The following PARD3B variants were observed in gnomAD, a reference collection of about 807,000 sequenced individuals.
PARD3B encodes the protein par-3 family cell polarity regulator beta.
Under a neutral mutation model 130.2 loss-of-function variants are expected in PARD3B, and 103 were observed. The ratio of observed to expected loss-of-function variants is 0.79; its 90% CI spans 0.67 to 0.93. PARD3B has a LOEUF of 0.93. Among genes scored for constraint, PARD3B ranks in the 40% least tolerant of loss-of-function variants. PARD3B has a pLI of 0.00. For missense variants in PARD3B, 1,609 were observed against 1,499.2 expected (o/e 1.07, Z -1.21); for synonymous variants, 583 against 553.2 (o/e 1.05, Z -0.76).
intron 21 of PARD3B, among the ~76,000 whole-genome samples, chr2:205,510,067 G>A (rs1189627850): frequency 6.6e-6 from 1 of 152,162 alleles, no homozygotes; most frequent in African/African-American, 2.4e-5. Flanking sequence ...TTTTAGCACA[G>A]GAGACTCTGA....
At chr2:205,270,833 A>T (rs770241525) in intron 16 of PARD3B, among the ~76,000 whole-genome samples, 26 of 152,098 alleles carry the variant, frequency 1.7e-4, no homozygotes, top group Non-Finnish European at 3.4e-4. Flanking sequence ...TTATCTTACC[A>T]GTAAAAGCTA....
At chr2:204,621,834 A>G (rs1388582101) in intron 1 of PARD3B, among the ~76,000 whole-genome samples, 1 of 152,210 alleles carries the variant, frequency 6.6e-6, no homozygotes, top group Non-Finnish European at 1.5e-5. Flanking sequence ...GTGATAAGGA[A>G]GATCTTGTGG....
chr2:205,513,213 G>T (rs1188905806), intron 21 of PARD3B, among the ~76,000 whole-genome samples: 1 of 151,868 alleles, frequency 6.6e-6, no homozygotes, highest in Non-Finnish European at 1.5e-5. Context: ...TTGAATTGAT[G>T]ATCAGAAAAA....
In PARD3B at chr2:205,113,552, C is replaced by T; in HGVS notation, c.655C>T (p.Pro219Ser). ...AGGCCCATTGGGAATACATGTAGTG[C>T]CCTTCTTTTCATCTCTGAGTGGAAG... ...EGGPLGIHVV[P>S]FFSSLSGRIL... The change falls in exon 6 of 23, where the codon CCC (proline) becomes TCC (serine). Residue 219 changes from proline (P) to serine (S), a missense_variant. Pro to Ser is a moderately conservative substitution (Grantham distance 74). Coordinates refer to ENST00000406610, the MANE Select transcript of PARD3B (RefSeq NM_001302769.2). 6.2e-7 allele frequency: 1 copy of T among 1,612,304 alleles called. No homozygotes were observed. Among genetic ancestry groups the T allele is most frequent in the Non-Finnish European group, 8.5e-7 (1 of 1,178,844 alleles).
At chr2:204,561,743 A>G (rs2031323790) in intron 1 of PARD3B, among the ~76,000 whole-genome samples, 1 of 151,718 alleles carries the variant, frequency 6.6e-6, no homozygotes, top group South Asian at 2.1e-4. Context: ...TTACAGGTGC[A>G]CGCTACCACG....
At chr2:205,238,888 A>ATATATATATATATATATATATGTATGTG (rs1559575145) in intron 15 of PARD3B, among the ~76,000 whole-genome samples, 56 of 69,460 alleles carry the variant, frequency 8.1e-4, no homozygotes, top group African/African-American at 3.8e-3. Flanking sequence ...GTATGTGTGT[A>ATATATATATATATATATATATGTATGTG]TATATATATA....
At position 205,301,011 on chromosome 2, in the gene PARD3B, T is replaced by C. The variant is rs2041977309; in HGVS notation, c.2392+275T>C. Among the ~76,000 whole-genome samples the C allele has an allele frequency of 6.6e-6, 1 of 152,208 alleles. No homozygotes were observed. Among genetic ancestry groups the C allele is most frequent in the East Asian group, 1.9e-4 (1 of 5,198 alleles). Reference sequence around the variant, plus strand: ...GACCAACTGTCATTTACCCTTAGGGTAGGAGCACTAAGTATGCATTTCTTG... The same window carrying C: ...GACCAACTGTCATTTACCCTTAGGGCAGGAGCACTAAGTATGCATTTCTTG... On this transcript the variant is annotated intron_variant, in intron 17 of 22. Transcript: ENST00000406610. This position sits in a 1 kb window ranked among gnomAD's most constrained non-coding sequence, Gnocchi z 5.2.
chr2:205,558,705 GC>G lies in PARD3B; in HGVS notation c.3260+5305del, dbSNP rs1002003891. 6.6e-6 allele frequency among the ~76,000 whole-genome samples: 1 copy of G among 151,990 alleles called. No homozygotes were observed. Among genetic ancestry groups the G allele is most frequent in the Non-Finnish European group, 1.5e-5 (1 of 68,024 alleles). Reference sequence around the variant, plus strand: ...TCTCCTCCATTCCTGCCAATTCAATGCCCGTCTCTATGATGATTCCAAAAGT... The same window carrying G: ...TCTCCTCCATTCCTGCCAATTCAATGCCGTCTCTATGATGATTCCAAAAGT... On this transcript the variant is annotated intron_variant, in intron 22 of 22. Coordinates refer to ENST00000406610, the MANE Select transcript of PARD3B (RefSeq NM_001302769.2). The surrounding 1 kb of genome is among the most constrained non-coding windows in gnomAD (Gnocchi z 4.8).
chr2:205,028,000 G>T (rs555420920), intron 3 of PARD3B, among the ~76,000 whole-genome samples: 16 of 152,142 alleles, frequency 1.1e-4, no homozygotes, highest in Non-Finnish European at 1.9e-4. Context: ...TAAAATCAGG[G>T]TATGATGCCT....
At chr2:204,792,161 T>A (rs2042224541) in intron 2 of PARD3B, among the ~76,000 whole-genome samples, 1 of 152,140 alleles carries the variant, frequency 6.6e-6, no homozygotes, top group Non-Finnish European at 1.5e-5. Flanking sequence ...TTTTACCAAT[T>A]TGGTAAATAG....
At chr2:204,594,276 T>C (rs1430494125) in intron 1 of PARD3B, among the ~76,000 whole-genome samples, 1 of 152,138 alleles carries the variant, frequency 6.6e-6, no homozygotes, top group African/African-American at 2.4e-5. Context: ...ATAACATCTA[T>C]CTATAAAAGC....
chr2:205,452,285 A>C (rs2048128206), intron 20 of PARD3B, among the ~76,000 whole-genome samples: 1 of 152,142 alleles, frequency 6.6e-6, no homozygotes. Context: ...CTTTCTCTCT[A>C]GTGAGTTTTC....
chr2:205,566,088 T>A (rs1046158995), intron 22 of PARD3B, among the ~76,000 whole-genome samples: 2 of 152,022 alleles, frequency 1.3e-5, no homozygotes, highest in African/African-American at 4.8e-5. Context: ...GAACACGTAA[T>A]GAACAGACTG....
At chr2:205,613,891 C>T (rs2055325512) in intron 22 of PARD3B, among the ~76,000 whole-genome samples, 1 of 152,206 alleles carries the variant, frequency 6.6e-6, no homozygotes, top group Non-Finnish European at 1.5e-5. Context: ...GATTCTGACC[C>T]TCATTGACAG....
At chr2:205,311,228 A>G (rs1230240663) in intron 18 of PARD3B, among the ~76,000 whole-genome samples, 2 of 152,120 alleles carry the variant, frequency 1.3e-5, no homozygotes, top group Non-Finnish European at 2.9e-5. Context: ...TTCTTTTTAA[A>G]TTTTTGAGTA....
chr2:205,216,203 A>G (rs1231774882), intron 15 of PARD3B, among the ~76,000 whole-genome samples: 1 of 152,188 alleles, frequency 6.6e-6, no homozygotes, highest in Non-Finnish European at 1.5e-5. Flanking sequence ...AACGTGCTCT[A>G]TGGGTTAACA....
intron 2 of PARD3B, among the ~76,000 whole-genome samples, chr2:204,855,880 T>G (rs1208777646): frequency 6.6e-6 from 1 of 152,160 alleles, no homozygotes; most frequent in Non-Finnish European, 1.5e-5. Context: ...AAGGATGGAA[T>G]TTTTCTCTTT....
chr2:205,059,199 A>G (rs1184590188), intron 4 of PARD3B, among the ~76,000 whole-genome samples: 1 of 151,982 alleles, frequency 6.6e-6, no homozygotes, highest in South Asian at 2.1e-4. Flanking sequence ...TCTTTCCCCC[A>G]TTGAATGGTC....
chr2:204,621,014 T>C (rs1320815229), intron 1 of PARD3B, among the ~76,000 whole-genome samples: 2 of 152,208 alleles, frequency 1.3e-5, no homozygotes, highest in African/African-American at 4.8e-5. Flanking sequence ...TACGCTAGTG[T>C]CCTGGACATC....
Sources: allele counts gnomAD v4.1 joint callset (sites outside exome capture counted in the v4.1 genomes callset), GRCh38; gene constraint gnomAD v4.1.1; non-coding constraint Gnocchi (gnomAD v3.1); transcripts MANE v1.5; gene names NCBI Gene and HGNC (gene_info 2026-07-23, HGNC 2026-07-21).